The following ATP5PF variants were observed in gnomAD, a reference collection of about 807,000 sequenced individuals.
The protein encoded by ATP5PF is ATP synthase peripheral stalk subunit F6, mitochondrial.
In ATP5PF, 7 loss-of-function variants were observed where a neutral mutation model predicts 12.0. The ratio of observed to expected loss-of-function variants is 0.58; its 90% CI spans 0.33 to 1.10. ATP5PF has a LOEUF of 1.10. Among genes scored for constraint, ATP5PF ranks in the 50% least tolerant of loss-of-function variants. The pLI, the probability that ATP5PF is intolerant of heterozygous loss-of-function variation, is 0.03. For synonymous variants in ATP5PF, 41 were observed against 45.4 expected (o/e 0.90, Z 0.39); for missense variants, 120 against 127.7 (o/e 0.94, Z 0.29).
intron 2 of ATP5PF, among the ~76,000 whole-genome samples, chr21:25,728,092 T>C (rs1265233682): frequency 6.6e-6 from 1 of 152,178 alleles, no homozygotes; most frequent in Non-Finnish European, 1.5e-5. Flanking sequence ...CTTGACTCTG[T>C]CACTTTTACA....
Position 25,734,897 on chromosome 21 carries a change from T to G in ATP5PF, c.-52A>C, listed in dbSNP as rs752886875. The G allele has an allele frequency of 3.1e-5, 48 of 1,559,000 alleles. No homozygotes were observed. The highest frequency in any genetic ancestry group is 3.8e-5 in the Admixed American group (2 of 52,678). On this transcript the variant is annotated 5_prime_UTR_variant, in exon 1 of 4. Coordinates refer to ENST00000284971, the MANE Select transcript of ATP5PF (RefSeq NM_001003703.2). ...TGCCAAAGCCTCCGCCGCCACCACC[T>G]CCGCTCTACTTCCGGCCCTGGCTCC...
Position 25,725,164 on chromosome 21 carries a change from G to GT in ATP5PF, c.289+61dup, listed in dbSNP as rs1372753217. 5 of 1,540,556 alleles carry GT rather than the reference G, an allele frequency of 3.2e-6. No homozygotes were observed. The East Asian group carries it at 9.1e-5, about 28-fold the overall frequency. On this transcript the variant is annotated intron_variant, in intron 3 of 3. Transcript: ENST00000284971. ...GTCATTCAGTTCTCTAAAAATCCAG[G>GT]TAAGTGTAAATATTCTTCACTTATC...
chr21:25,732,571 G>A (rs1298981857), intron 1 of ATP5PF, among the ~76,000 whole-genome samples: 2 of 151,680 alleles, frequency 1.3e-5, no homozygotes, highest in Non-Finnish European at 2.9e-5. Context: ...ACTTGAGCTT[G>A]GGAGGTAGAA....
Position 25,724,645 on chromosome 21 carries a change from C to A in ATP5PF, c.322G>T (p.Ala108Ser). 6.3e-7 allele frequency: 1 copy of A among 1,598,436 alleles called. No homozygotes were observed. Among genetic ancestry groups the A allele is most frequent in the Admixed American group, 1.8e-5 (1 of 55,130 alleles). ...PKFEVIEKPQ[A>S] Reference sequence around the variant, plus strand: ...ATTAATTTTACTTTATTTCTTCAGGCCTGGGGTTTTTCGATGACTTCAAAT... The same window carrying A: ...ATTAATTTTACTTTATTTCTTCAGGACTGGGGTTTTTCGATGACTTCAAAT... The change falls in exon 4 of 4, where the codon GCC (alanine) becomes TCC (serine). Residue 108 changes from alanine to serine, a missense_variant. Coordinates refer to ENST00000284971, the MANE Select transcript of ATP5PF (RefSeq NM_001003703.2).
rs2034947581 is a variant in ATP5PF at position 25,734,682 on chromosome 21, A to G, written c.-8+171T>C. ...ATTTCTGGGTCTACGGCAAACTCCA[A>G]GGTCTACAAACGTAGAGGTCAGCTG... On this transcript the variant is annotated intron_variant, in intron 1 of 3. Transcript: ENST00000284971. The G allele has an allele frequency of 7.8e-6, 5 of 640,406 alleles. 1 individual carries two copies. Among genetic ancestry groups the G allele is most frequent in the South Asian group, 2.4e-5 (1 of 42,274 alleles). 39.7% of individuals were successfully genotyped at this position (640,406 alleles called of 1,614,324 possible). A position where few individuals can be genotyped will look rare whatever the true frequency, so the allele number is the denominator to read the frequency against.
At chr21:25,735,014 T>C, upstream of ATP5PF, 2 of 1,532,330 alleles carry the variant, frequency 1.3e-6, no homozygotes, top group Non-Finnish European at 1.8e-6. Context: ...TCGGAGACAG[T>C]CTGCGACCGG....
intron 2 of ATP5PF, among the ~76,000 whole-genome samples, chr21:25,725,988 C>T (rs1180627692): frequency 6.6e-6 from 1 of 152,100 alleles, no homozygotes; most frequent in Non-Finnish European, 1.5e-5. Flanking sequence ...AAAGACTGGT[C>T]CTGTTTGAGT....
At chr21:25,733,596 T>A (rs915118391) in intron 1 of ATP5PF, among the ~76,000 whole-genome samples, 6 of 151,944 alleles carry the variant, frequency 3.9e-5, no homozygotes, top group African/African-American at 1.5e-4. Context: ...AAAAAAAAAT[T>A]GTGCAATTCA....
intron 2 of ATP5PF, among the ~76,000 whole-genome samples, chr21:25,725,805 C>T (rs1251032440): frequency 6.6e-6 from 1 of 152,300 alleles, no homozygotes; most frequent in Admixed American, 6.5e-5. Context: ...AGTATTTCTA[C>T]TTCAATTTCA....
chr21:25,729,791 T>C lies in ATP5PF; in HGVS notation c.4A>G (p.Ile2Val). 1 of 1,612,104 alleles carries C rather than the reference T, an allele frequency of 6.2e-7. No individual in the cohort carries two copies. Among genetic ancestry groups the C allele is most frequent in the Non-Finnish European group, 8.5e-7 (1 of 1,179,604 alleles). M[I>V]LQRLFRFSSV... Reference sequence around the variant, plus strand: ...GAGAACCTGAAGAGCCTCTGAAGAATCATGCTGATTCTGTTACAGAAAACA... The same window carrying C: ...GAGAACCTGAAGAGCCTCTGAAGAACCATGCTGATTCTGTTACAGAAAACA... Residue 2 changes from isoleucine (I) to valine (V), a missense_variant, in exon 2 of 4, where the codon ATT becomes GTT. Physicochemically the swap from Ile to Val is conservative, Grantham distance 29. Coordinates refer to ENST00000284971, the MANE Select transcript of ATP5PF (RefSeq NM_001003703.2).
chr21:25,734,564 T>C, intron 1 of ATP5PF: 1 of 430,238 alleles, frequency 2.3e-6, no homozygotes, highest in Non-Finnish European at 3.6e-6. Flanking sequence ...CGCCTGACCT[T>C]GGGTTGCCCC....
chr21:25,728,684 C>T (rs934394100), intron 2 of ATP5PF, among the ~76,000 whole-genome samples: 1 of 152,122 alleles, frequency 6.6e-6, no homozygotes, highest in African/African-American at 2.4e-5. Flanking sequence ...CCACAGTTGT[C>T]CATGAGATTC....
At chr21:25,728,511 T>G (rs564973786) in intron 2 of ATP5PF, among the ~76,000 whole-genome samples, 33 of 152,314 alleles carry the variant, frequency 2.2e-4, no homozygotes, top group African/African-American at 7.5e-4. Flanking sequence ...TTACCCTCAT[T>G]TATCTGTCCA....
chr21:25,729,581 T>A, intron 2 of ATP5PF, 50 bp downstream of exon 2: 1 of 1,478,946 alleles, frequency 6.8e-7, no homozygotes, highest in Non-Finnish European at 9.1e-7. Flanking sequence ...ACCTTGAAAC[T>A]TACATACTTT....
intron 1 of ATP5PF, among the ~76,000 whole-genome samples, chr21:25,732,297 T>C (rs887611785): frequency 6.6e-6 from 1 of 152,120 alleles, no homozygotes. Flanking sequence ...CTGGTCAAAA[T>C]GTCAATAATG....
chr21:25,734,505 G>A (rs1319990618), intron 1 of ATP5PF: 4 of 638,288 alleles, frequency 6.3e-6, no homozygotes, highest in South Asian at 4.7e-5. Context: ...TAGCCTAGAC[G>A]CTCCCGTGCG....
chr21:25,725,421 AC>A, intron 2 of ATP5PF, 71 bp from the exon 3 acceptor site: 1 of 1,339,930 alleles, frequency 7.5e-7, no homozygotes. Flanking sequence ...ACTTTTCACC[AC>A]CACATTCCAA....
chr21:25,725,432 A>C, intron 2 of ATP5PF, 82 bp from the exon 3 acceptor site: 1 of 1,361,900 alleles, frequency 7.3e-7, no homozygotes, highest in Non-Finnish European at 9.6e-7. Flanking sequence ...CCACATTCCA[A>C]CAGATCTTTT....
intron 1 of ATP5PF, 115 bp from the exon 2 acceptor site, chr21:25,729,916 C>T: frequency 8.4e-7 from 1 of 1,183,798 alleles, no homozygotes; most frequent in Middle Eastern, 2.8e-4. Flanking sequence ...TATCAGATCT[C>T]AGTCTATACC....
Sources: allele counts gnomAD v4.1 joint callset (sites outside exome capture counted in the v4.1 genomes callset), GRCh38; gene constraint gnomAD v4.1.1; transcripts MANE v1.5; gene names NCBI Gene and HGNC (gene_info 2026-07-23, HGNC 2026-07-21).